SNTG1: variants seen among roughly 807,000 people sequenced by gnomAD.
SNTG1 encodes the protein gamma-1-syntrophin.
SNTG1 carries 39 observed loss-of-function variants against 74.7 expected under a neutral mutation model. That is an observed-to-expected ratio of 0.52 (90% CI 0.40 to 0.68). The LOEUF is 0.68. Ranked by LOEUF, SNTG1 falls within the 30% of genes least tolerant of loss-of-function variation. SNTG1 has a pLI of 0.00. For synonymous variants in SNTG1, 254 were observed against 217.1 expected, an observed-to-expected ratio of 1.17 and a Z score of -1.49; for missense variants, 685 against 609.5, an observed-to-expected ratio of 1.12 and a Z score of -1.30.
At chr8:50,372,730 C>A (rs928197424) in intron 2 of SNTG1, among the ~76,000 whole-genome samples, 5 of 151,880 alleles carry the variant, frequency 3.3e-5, no homozygotes, top group African/African-American at 1.2e-4. Flanking sequence ...TCATTAAAAT[C>A]CAGTGTAAGG....
At chr8:50,131,795 G>A (rs572301031) in intron 1 of SNTG1, among the ~76,000 whole-genome samples, 6 of 151,900 alleles carry the variant, frequency 3.9e-5, no homozygotes, top group South Asian at 2.1e-4. Context: ...ACCAATTTAC[G>A]TTTCCCACCA....
At chr8:50,784,797 T>G (rs933371896) in intron 18 of SNTG1, among the ~76,000 whole-genome samples, 1 of 152,202 alleles carries the variant, frequency 6.6e-6, no homozygotes. Flanking sequence ...ATCACTTGTA[T>G]GTCAGGTTAT....
intron 2 of SNTG1, among the ~76,000 whole-genome samples, chr8:50,298,603 A>G (rs1380467975): frequency 6.6e-6 from 1 of 152,192 alleles, no homozygotes; most frequent in East Asian, 1.9e-4. Flanking sequence ...GATCCAGAAC[A>G]CTTCATGTGT....
chr8:50,278,165 C>G (rs1488948466), intron 2 of SNTG1, among the ~76,000 whole-genome samples: 2 of 151,658 alleles, frequency 1.3e-5, no homozygotes, highest in South Asian at 2.1e-4. Flanking sequence ...GAGTGAGACT[C>G]CATCTCAAAA....
chr8:50,513,955 G>A (rs1177026091), intron 9 of SNTG1, among the ~76,000 whole-genome samples: 2 of 152,144 alleles, frequency 1.3e-5, no homozygotes, highest in Non-Finnish European at 2.9e-5. Flanking sequence ...CCAATGAGAT[G>A]AACCCAGTAT....
At chr8:50,136,418 T>A (rs927735222) in intron 1 of SNTG1, among the ~76,000 whole-genome samples, 2 of 152,108 alleles carry the variant, frequency 1.3e-5, no homozygotes, top group African/African-American at 2.4e-5. Flanking sequence ...CCAGCATCTG[T>A]TATGTTTTGA....
chr8:50,107,787 G>C (rs1398691304), intron 1 of SNTG1, among the ~76,000 whole-genome samples: 1 of 152,186 alleles, frequency 6.6e-6, no homozygotes, highest in African/African-American at 2.4e-5. Flanking sequence ...CTGACCTCAA[G>C]TGATCTGCCC....
At chr8:50,390,228 A>T (rs1349186863) in intron 2 of SNTG1, among the ~76,000 whole-genome samples, 1 of 152,214 alleles carries the variant, frequency 6.6e-6, no homozygotes, top group Non-Finnish European at 1.5e-5. Context: ...TCTAACATTT[A>T]AGTCTTTAAT....
At chr8:49,945,911 G>T (rs1233117871) in intron 1 of SNTG1, among the ~76,000 whole-genome samples, 1 of 152,172 alleles carries the variant, frequency 6.6e-6, no homozygotes, top group East Asian at 1.9e-4. Flanking sequence ...AAACGTCATC[G>T]CTGTATGAAA....
At chr8:50,418,800 T>A (rs1044146312) in intron 4 of SNTG1, among the ~76,000 whole-genome samples, 1 of 152,290 alleles carries the variant, frequency 6.6e-6, no homozygotes, top group East Asian at 1.9e-4. Flanking sequence ...GGATATGTCA[T>A]CTTTCCAGCT....
At chr8:50,659,708 A>T (rs1431130448) in intron 15 of SNTG1, among the ~76,000 whole-genome samples, 3 of 152,200 alleles carry the variant, frequency 2.0e-5, no homozygotes, top group Non-Finnish European at 2.9e-5. Flanking sequence ...GTGGAAGGAC[A>T]ACCTGAAATA....
intron 1 of SNTG1, among the ~76,000 whole-genome samples, chr8:50,169,535 A>C (rs1488417679): frequency 6.6e-6 from 1 of 152,200 alleles, no homozygotes; most frequent in Admixed American, 6.5e-5. Context: ...AGAACTGGGA[A>C]GGACATGGTG....
At chr8:50,178,882 G>A (rs992074997) in intron 2 of SNTG1, among the ~76,000 whole-genome samples, 1 of 152,070 alleles carries the variant, frequency 6.6e-6, no homozygotes, top group African/African-American at 2.4e-5. Flanking sequence ...TGCTGCCTGA[G>A]CTTTCAATGT....
chr8:50,698,053 T>C (rs1451849940), intron 15 of SNTG1, among the ~76,000 whole-genome samples: 1 of 152,192 alleles, frequency 6.6e-6, no homozygotes, highest in East Asian at 1.9e-4. Flanking sequence ...TGTGGATCCA[T>C]CTGTTCCTGG....
intron 1 of SNTG1, among the ~76,000 whole-genome samples, chr8:49,941,767 C>A (rs1184388770): frequency 1.3e-5 from 2 of 151,986 alleles, no homozygotes; most frequent in Non-Finnish European, 2.9e-5. Flanking sequence ...AGGAAGCTTT[C>A]TGGATAGAGG....
intron 1 of SNTG1, among the ~76,000 whole-genome samples, chr8:50,094,037 T>C (rs1015718349): frequency 5.3e-5 from 8 of 152,080 alleles, no homozygotes; most frequent in Admixed American, 2.0e-4. Flanking sequence ...TAGGATGCAG[T>C]TGGAGTATGA....
chr8:50,033,912 T>C (rs1025580529), intron 1 of SNTG1, among the ~76,000 whole-genome samples: 3 of 152,218 alleles, frequency 2.0e-5, no homozygotes, highest in African/African-American at 7.2e-5. Flanking sequence ...CTGTAATCTC[T>C]TGAACTGATT....
chr8:49,938,597 C>CTTTTTTTT (rs755805948), intron 1 of SNTG1, among the ~76,000 whole-genome samples: 56 of 32,502 alleles, frequency 1.7e-3, no homozygotes, highest in African/African-American at 6.4e-3. Flanking sequence ...CTTTTCTTTT[C>CTTTTTTTT]TTTTCTTTTC....
rs1265340843 is a variant in SNTG1 at position 50,603,918 on chromosome 8, C to T, written c.849+13001C>T. Among the ~76,000 whole-genome samples, 11 of 152,130 alleles carry T rather than the reference C, an allele frequency of 7.2e-5. No homozygotes were observed. In the South Asian group the frequency reaches 1.2e-3, roughly 17 times the overall value. Reference sequence around the variant, plus strand: ...CATTAGGACTGCACTGGGTCAAACCCGAAGCCAGCAGAGCACTGAGTCTAG... The same window carrying T: ...CATTAGGACTGCACTGGGTCAAACCTGAAGCCAGCAGAGCACTGAGTCTAG... On this transcript the variant is annotated intron_variant, in intron 13 of 18. Transcript: ENST00000642720.
Sources: gnomAD v4.1 joint callset for allele counts (sites outside exome capture counted in the v4.1 genomes callset) on GRCh38, gnomAD v4.1.1 for gene constraint, MANE v1.5 for transcripts, NCBI Gene and HGNC (gene_info 2026-07-23, HGNC 2026-07-21) for gene names.